COX15: variants seen among roughly 807,000 people sequenced by gnomAD.
COX15 encodes cytochrome c oxidase assembly factor COX15.
COX15 carries 51 observed loss-of-function variants against 51.9 expected under a neutral mutation model. The observed-to-expected ratio is 0.98, with a 90% CI of 0.78 to 1.24. The LOEUF (loss-of-function observed/expected upper bound fraction) is 1.24, where lower values mean the gene tolerates loss of function less well. Ranked by LOEUF, COX15 falls within the 50% of genes most tolerant of loss-of-function variation. The pLI is 0.00. For missense variants in COX15, 420 were observed against 501.1 expected, an observed-to-expected ratio of 0.84 and a Z score of 1.55; for synonymous variants, 188 against 190.5, an observed-to-expected ratio of 0.99 and a Z score of 0.11.
At position 99,712,129 on chromosome 10, in the gene COX15, A is replaced by G; in HGVS notation, c.*2458T>C. ...CATAAGGGATCCGCCCCCATGACCC[A>G]AATACCTCCTACTAGGCCCACCTCT... On this transcript the variant is annotated 3_prime_UTR_variant, in exon 9 of 9. Transcript: ENST00000016171. 1.4e-6 allele frequency: 1 copy of G among 709,648 alleles called. No homozygotes were observed. Among genetic ancestry groups the G allele is most frequent in the Non-Finnish European group, 1.7e-6 (1 of 577,936 alleles). 44.0% of individuals were successfully genotyped at this position (709,648 alleles called of 1,614,324 possible).
intron 2 of COX15, among the ~76,000 whole-genome samples, chr10:99,727,919 G>T (rs1257140016): frequency 6.6e-6 from 1 of 152,030 alleles, no homozygotes; most frequent in African/African-American, 2.4e-5. Flanking sequence ...AGGGAAAAGA[G>T]ACCTGTTACA....
rs1266660854 is a variant in COX15 at position 99,714,469 on chromosome 10, T to C, written c.*118A>G. ...AACAGGAAAAGATTTTTAAGTAAGTTGACCATTTGGAAACCACTTGGTATG... is the reference window on the plus strand; with the variant it reads ...AACAGGAAAAGATTTTTAAGTAAGTCGACCATTTGGAAACCACTTGGTATG... On this transcript the variant is annotated 3_prime_UTR_variant, in exon 9 of 9. Transcript: ENST00000016171. 1.3e-6 allele frequency: 2 copies of C among 1,568,592 alleles called. No individual in the cohort carries two copies. The highest frequency in any genetic ancestry group is 2.7e-5 in the African/African-American group (2 of 74,260).
chr10:99,695,919 AC>A, the COX15 span: 1 of 1,572,570 alleles, frequency 6.4e-7, no homozygotes, highest in Non-Finnish European at 8.6e-7. Context: ...GGCAACCAAA[AC>A]TAAAATTCCC....
intron 3 of COX15, 136 bp from the exon 4 acceptor site, chr10:99,727,290 G>C: frequency 7.0e-7 from 1 of 1,429,524 alleles, no homozygotes; most frequent in East Asian, 2.3e-5. Flanking sequence ...AACGACCTCA[G>C]GATGACTTTG....
intron 5 of COX15, among the ~76,000 whole-genome samples, chr10:99,722,158 GC>G (rs1228491544): frequency 6.6e-6 from 1 of 152,130 alleles, no homozygotes; most frequent in East Asian, 1.9e-4. Flanking sequence ...GAGCCACCGT[GC>G]CCAGCCTTAA....
At chr10:99,722,923 G>C (rs1274166662) in intron 5 of COX15, 1 of 151,994 alleles carries the variant, frequency 6.6e-6, no homozygotes, top group East Asian at 1.9e-4. Flanking sequence ...TTCAGATGTG[G>C]AATTATTCAG....
At position 99,718,421 on chromosome 10, in the gene COX15, G is replaced by C. The variant is rs775588575; in HGVS notation, c.912C>G (p.Asp304Glu). 6.2e-7 allele frequency: 1 copy of C among 1,613,940 alleles called. No individual in the cohort carries two copies. Among genetic ancestry groups the C allele is most frequent in the African/African-American group, 1.3e-5 (1 of 74,872 alleles). ...TCAGGATGGGGGAGAAGGTAAAGAG[G>C]TCCTCCGGGATCCAGGATTCTCCCA... ...PKMGESWIPE[D>E]LFTFSPILRN... Residue 304 changes from aspartate to glutamate, a missense_variant, in exon 7 of 9, where the codon GAC becomes GAG. Coordinates refer to ENST00000016171, the MANE Select transcript of COX15 (RefSeq NM_078470.6).
chr10:99,729,114 G>C (rs1052193775), intron 2 of COX15, among the ~76,000 whole-genome samples: 2 of 152,160 alleles, frequency 1.3e-5, no homozygotes, highest in Non-Finnish European at 2.9e-5. Flanking sequence ...CCTTCTTTAA[G>C]GCCTCGGTTT....
chr10:99,719,927 T>C (rs1255257642), intron 6 of COX15, among the ~76,000 whole-genome samples: 1 of 152,242 alleles, frequency 6.6e-6, no homozygotes, highest in African/African-American at 2.4e-5. Context: ...TAGAACTTTC[T>C]GTGAGAGTGG....
At chr10:99,731,867 C>G (rs568899679) in intron 1 of COX15, 93 bp downstream of exon 1, 1 of 1,513,578 alleles carries the variant, frequency 6.6e-7, no homozygotes, top group South Asian at 1.2e-5. Flanking sequence ...TAAGGAGCTC[C>G]GGAAACGTGA....
intron 8 of COX15, 94 bp from the exon 9 acceptor site, chr10:99,714,812 ATCC>A (rs2036515918): frequency 6.3e-7 from 1 of 1,596,234 alleles, no homozygotes; most frequent in South Asian, 1.1e-5. Flanking sequence ...AAACCTCCAC[ATCC>A]TCCTATCAGA....
chr10:99,694,534 T>A, the COX15 span, among the ~76,000 whole-genome samples: 10 of 63,460 alleles, frequency 1.6e-4, no homozygotes, highest in East Asian at 3.4e-3. Flanking sequence ...ACATAAGTTT[T>A]TTTGTTTTTT....
chr10:99,694,530 G>GT, the COX15 span, among the ~76,000 whole-genome samples: 160 of 61,038 alleles, frequency 2.6e-3, no homozygotes, highest in Admixed American at 5.4e-3. Context: ...ATGTACATAA[G>GT]TTTTTTTGTT....
At position 99,721,083 on chromosome 10, in the gene COX15, A is replaced by C; in HGVS notation, c.751-15T>G. 6.2e-7 allele frequency: 1 copy of C among 1,604,826 alleles called. No individual in the cohort carries two copies. The highest frequency in any genetic ancestry group is 8.5e-7 in the Non-Finnish European group (1 of 1,174,600). The stretch of plus-strand genomic sequence containing the variant: ...GTTTCAGGCAACTAAATATGAAAAA[A>C]AATCATTCAGTTAAACTGTGTTGCA... On this transcript the variant is annotated splice_polypyrimidine_tract_variant and intron_variant, in intron 5 of 8. Coordinates refer to ENST00000016171, the MANE Select transcript of COX15 (RefSeq NM_078470.6).
At chr10:99,698,681 G>A in the COX15 span, 2 of 1,614,176 alleles carry the variant, frequency 1.2e-6, no homozygotes, top group Non-Finnish European at 1.7e-6. Flanking sequence ...GGGCAATGCT[G>A]AGCCCCCTGC....
the COX15 span, chr10:99,705,718 T>C: frequency 6.6e-6 from 1 of 152,342 alleles, no homozygotes; most frequent in East Asian, 1.9e-4. Context: ...TAGAAGTTTC[T>C]CAATTTATGA....
the COX15 span, chr10:99,702,801 C>T: frequency 5.2e-5 from 42 of 810,598 alleles, no homozygotes; most frequent in Non-Finnish European, 6.4e-5. Context: ...CTCTCTACCC[C>T]CTCACAAAAA....
Position 99,713,512 on chromosome 10 carries a change from T to A in COX15, c.*1075A>T. 6.3e-7 allele frequency: 1 copy of A among 1,598,068 alleles called. No individual in the cohort carries two copies. The highest frequency in any genetic ancestry group is 2.3e-5 in the East Asian group (1 of 44,144). The stretch of plus-strand genomic sequence containing the variant: ...ATATCAATAGAGACCAAAATCACAT[T>A]AATTCAGCAGTCAACAATTTGTTTA... On this transcript the variant is annotated 3_prime_UTR_variant, in exon 9 of 9. Coordinates refer to ENST00000016171, the MANE Select transcript of COX15 (RefSeq NM_078470.6).
At chr10:99,698,736 C>T in the COX15 span, 1 of 1,614,224 alleles carries the variant, frequency 6.2e-7, no homozygotes. Flanking sequence ...TGGCATATAT[C>T]AATCGCCTAT....
Sources: allele counts gnomAD v4.1 joint callset (sites outside exome capture counted in the v4.1 genomes callset), GRCh38; gene constraint gnomAD v4.1.1; transcripts MANE v1.5; gene names NCBI Gene and HGNC (gene_info 2026-07-23, HGNC 2026-07-21).